RBAK: variants seen among roughly 807,000 people sequenced by gnomAD.
RBAK encodes RB associated KRAB zinc finger.
A neutral mutation model predicts 65.8 loss-of-function variants in RBAK; 39 were observed. The observed-to-expected ratio is 0.59, with a 90% CI of 0.46 to 0.77. The LOEUF (loss-of-function observed/expected upper bound fraction) is 0.77, where lower values mean the gene tolerates loss of function less well. Among genes scored for constraint, RBAK ranks in the 30% least tolerant of loss-of-function variants. The probability of loss-of-function intolerance (pLI) is 0.00; values close to 1 mark genes in which losing one functional copy is unlikely to be tolerated. For missense variants in RBAK, 884 were observed against 855.1 expected, an observed-to-expected ratio of 1.03 and a Z score of -0.42; for synonymous variants, 343 against 289.7, an observed-to-expected ratio of 1.18 and a Z score of -1.87.
Position 5,052,952 on chromosome 7 carries a change from G to T in RBAK, c.16-4343G>T, listed in dbSNP as rs372403357. ...TTTTGGTATTTTTAGTAGAGATGAG[G>T]TTTCACCATGTTGGCCAGGCTGGTC... is the stretch of plus-strand genomic sequence containing the variant. On this transcript the variant is annotated intron_variant, in intron 2 of 4. Transcript: ENST00000396912. 1.4e-4 allele frequency among the ~76,000 whole-genome samples: 22 copies of T among 152,194 alleles called. No individual in the cohort carries two copies. The East Asian group carries it at 4.2e-3, about 29-fold the overall frequency.
chr7:5,051,386 G>T (rs1357564927), intron 2 of RBAK, among the ~76,000 whole-genome samples: 4 of 152,042 alleles, frequency 2.6e-5, no homozygotes, highest in Non-Finnish European at 5.9e-5. Context: ...GAGTGGGTAT[G>T]ATTTGTCATG....
At chr7:5,063,477 C>G (rs970784953) in intron 4 of RBAK, among the ~76,000 whole-genome samples, 80 of 147,300 alleles carry the variant, frequency 5.4e-4, no homozygotes, top group African/African-American at 1.9e-3. Context: ...AATTCTTTCA[C>G]TGTGTGTGTG....
intron 2 of RBAK, among the ~76,000 whole-genome samples, chr7:5,051,053 T>C (rs1454529189): frequency 6.6e-6 from 1 of 152,190 alleles, no homozygotes; most frequent in Non-Finnish European, 1.5e-5. Flanking sequence ...TTGTGATTCT[T>C]TTTGAAAATT....
chr7:5,056,660 C>T lies in RBAK; in HGVS notation c.16-635C>T, dbSNP rs771465596. The stretch of plus-strand genomic sequence containing the variant: ...CAGCTTTGGGCATTCATTCATTTAA[C>T]GAATATTTATTGCTCCAAGATTGAG... On this transcript the variant is annotated intron_variant, in intron 2 of 4. Transcript: ENST00000396912. Among the ~76,000 whole-genome samples, 10 of 152,264 alleles carry T rather than the reference C, an allele frequency of 6.6e-5. No individual in the cohort carries two copies. The South Asian group carries it at 1.7e-3, about 25-fold the overall frequency.
Position 5,063,975 on chromosome 7 carries a change from T to C in RBAK, c.519T>C (p.His173=), listed in dbSNP as rs555713444. 3 of 1,613,900 alleles carry C rather than the reference T, an allele frequency of 1.9e-6. No homozygotes were observed. Among genetic ancestry groups the C allele is most frequent in the Admixed American group, 3.3e-5 (2 of 60,012 alleles). ...GTAATGAATGTGGGAAAACATATCA[T>C]GGAGAGAAAATGTGTGAATTTAATC... The part of the protein sequence containing the change: ...DECNECGKTY[H]GEKMCEFNQN... The change falls in exon 5 of 5, where the codon CAT becomes CAC. Residue 173 remains histidine (H), a synonymous_variant. Coordinates refer to ENST00000396912, the MANE Select transcript of RBAK (RefSeq NM_021163.4).
intron 4 of RBAK, 108 bp downstream of exon 4, chr7:5,057,887 C>T: frequency 1.8e-6 from 2 of 1,105,906 alleles, no homozygotes; most frequent in South Asian, 2.9e-5. Flanking sequence ...CCTCCCAACC[C>T]CCAAATATCA....
chr7:5,069,395 T>C lies in RBAK; in HGVS notation c.*3794T>C, dbSNP rs1464976514. 6.6e-6 allele frequency: 1 copy of C among 152,240 alleles called. No homozygotes were observed. The highest frequency in any genetic ancestry group is 1.5e-5 in the Non-Finnish European group (1 of 68,044). The allele number at this position is 152,240 out of a possible 1,614,324, so 9.4% of individuals were successfully genotyped here. A position where few individuals can be genotyped will look rare whatever the true frequency, so the allele number is the denominator to read the frequency against. On this transcript the variant is annotated 3_prime_UTR_variant, in exon 5 of 5. Transcript: ENST00000396912. ...TTGAGAAGGTTAAAGAATCATTACA[T>C]ACTTTGTCATCCTATACTTTTGCAT...
Position 5,055,981 on chromosome 7 carries a change from A to T in RBAK, c.16-1314A>T, listed in dbSNP as rs1418446990. Among the ~76,000 whole-genome samples the T allele has an allele frequency of 3.9e-5, 6 of 152,126 alleles. No homozygotes were observed. The East Asian group carries it at 1.2e-3, about 29-fold the overall frequency. On this transcript the variant is annotated intron_variant, in intron 2 of 4. Transcript: ENST00000396912. Reference sequence around the variant, plus strand: ...AATAATAGGATAATGCAGCCTGCTTACTGGGCACTTCCTTTTTCTAAACTA... The same window carrying T: ...AATAATAGGATAATGCAGCCTGCTTTCTGGGCACTTCCTTTTTCTAAACTA...
intron 2 of RBAK, among the ~76,000 whole-genome samples, chr7:5,053,800 G>GT (rs1419739545): frequency 6.6e-6 from 1 of 152,142 alleles, no homozygotes; most frequent in Admixed American, 6.5e-5. Context: ...GTTAGCGTGG[G>GT]TCTTTTTTAC....
chr7:5,063,582 G>T (rs1779132891), intron 4 of RBAK, 113 bp from the exon 5 acceptor site: 4 of 758,150 alleles, frequency 5.3e-6, no homozygotes, highest in Non-Finnish European at 8.1e-6. Context: ...TATTTATGGA[G>T]ATTGGCTCTA....
chr7:5,055,746 C>T (rs1583456507), intron 2 of RBAK, among the ~76,000 whole-genome samples: 1 of 151,308 alleles, frequency 6.6e-6, no homozygotes, highest in Non-Finnish European at 1.5e-5. Flanking sequence ...CCTACTACCT[C>T]CTTGCCTTCT....
Position 5,045,905 on chromosome 7 carries a change from T to C in RBAK, c.-536T>C, listed in dbSNP as rs981630296. ...GTCCTCAGGTCACCGCTTGCTCTAGTTCCCAGGCTTTGGCCTCCAGTGGAC... is the reference window on the plus strand; with the variant it reads ...GTCCTCAGGTCACCGCTTGCTCTAGCTCCCAGGCTTTGGCCTCCAGTGGAC... On this transcript the variant is annotated 5_prime_UTR_variant, in exon 1 of 5. Coordinates refer to ENST00000396912, the MANE Select transcript of RBAK (RefSeq NM_021163.4). The C allele has an allele frequency of 2.8e-5, 10 of 351,148 alleles. No homozygotes were observed. Among genetic ancestry groups the C allele is most frequent in the African/African-American group, 1.6e-4 (7 of 43,522 alleles). 21.8% of individuals were successfully genotyped at this position (351,148 alleles called of 1,614,324 possible).
rs1461938938 is a variant in RBAK at position 5,067,787 on chromosome 7, T to G, written c.*2186T>G. ...CAAAAGTAGACCCACGTGTATACCATCACCTGAGTTTTGAGAAAGGTGACA... is the reference window on the plus strand; with the variant it reads ...CAAAAGTAGACCCACGTGTATACCAGCACCTGAGTTTTGAGAAAGGTGACA... On this transcript the variant is annotated 3_prime_UTR_variant, in exon 5 of 5. Transcript: ENST00000396912. The G allele has an allele frequency of 6.6e-6, 1 of 152,196 alleles. No individual in the cohort carries two copies. Among genetic ancestry groups the G allele is most frequent in the Non-Finnish European group, 1.5e-5 (1 of 68,030 alleles). 9.4% of individuals were successfully genotyped at this position (152,196 alleles called of 1,614,324 possible).
In RBAK at chr7:5,046,263, C is replaced by T. The variant is rs776497747; in HGVS notation, c.-178C>T. 5.8e-6 allele frequency: 3 copies of T among 515,828 alleles called. No homozygotes were observed. Among genetic ancestry groups the T allele is most frequent in the East Asian group, 1.1e-4 (2 of 18,294 alleles). 32.0% of individuals were successfully genotyped at this position (515,828 alleles called of 1,614,324 possible). On this transcript the variant is annotated 5_prime_UTR_variant, in exon 1 of 5. Transcript: ENST00000396912. ...CTGGATTTGCCCCTTAGGCCCGGCC[C>T]GGGCCCCTCGGGAGCAGAACAACCT...
chr7:5,067,686 TA>T lies in RBAK; in HGVS notation c.*2088del, dbSNP rs1779253551. 1 of 152,184 alleles carries T rather than the reference TA, an allele frequency of 6.6e-6. No homozygotes were observed. The highest frequency in any genetic ancestry group is 1.9e-4 in the East Asian group (1 of 5,200). 9.4% of individuals were successfully genotyped at this position (152,184 alleles called of 1,614,324 possible). A position where few individuals can be genotyped will look rare whatever the true frequency, so the allele number is the denominator to read the frequency against. ...AATTTCTAAATATCAAGACCTGTTATAAAGCCATAGAAATAATGAAGGTGTT... is the reference window on the plus strand; with the variant it reads ...AATTTCTAAATATCAAGACCTGTTATAAGCCATAGAAATAATGAAGGTGTT... On this transcript the variant is annotated 3_prime_UTR_variant, in exon 5 of 5. Coordinates refer to ENST00000396912, the MANE Select transcript of RBAK (RefSeq NM_021163.4).
rs546640398 is a variant in RBAK, at chr7:5,050,659, C to T, written c.15+2568C>T. On this transcript the variant is annotated intron_variant, in intron 2 of 4. Coordinates refer to ENST00000396912, the MANE Select transcript of RBAK (RefSeq NM_021163.4). ...TCGTGTTTACGGCTCACTGCAGCCT[C>T]AAACTCCTGTGCTCAAGTGATCCTC... 5.3e-5 allele frequency among the ~76,000 whole-genome samples: 8 copies of T among 152,300 alleles called. No individual in the cohort carries two copies. The South Asian group carries it at 1.5e-3, about 28-fold the overall frequency.
intron 4 of RBAK, among the ~76,000 whole-genome samples, chr7:5,061,454 T>G (rs1335882571): frequency 6.1e-4 from 21 of 34,418 alleles, no homozygotes; most frequent in African/African-American, 2.6e-3. Context: ...TTTCTTTTTC[T>G]TTTTTTTTTT....
rs1779237918 is a variant in RBAK at position 5,067,084 on chromosome 7, CAA to C, written c.*1484_*1485del. The C allele has an allele frequency of 6.6e-6, 1 of 152,086 alleles. No homozygotes were observed. Among genetic ancestry groups the C allele is most frequent in the Non-Finnish European group, 1.5e-5 (1 of 67,984 alleles). 9.4% of individuals were successfully genotyped at this position (152,086 alleles called of 1,614,324 possible). A position where few individuals can be genotyped will look rare whatever the true frequency, so the allele number is the denominator to read the frequency against. On this transcript the variant is annotated 3_prime_UTR_variant, in exon 5 of 5. Coordinates refer to ENST00000396912, the MANE Select transcript of RBAK (RefSeq NM_021163.4). ...ATAAAGAGACTTAAACTACAACAAA[CAA>C]TATGCTTAATGATGAAATAGTGAAC...
rs1256295780 is a variant in RBAK at position 5,063,907 on chromosome 7, A to T, written c.451A>T (p.Ile151Phe). 6.2e-7 allele frequency: 1 copy of T among 1,614,034 alleles called. No individual in the cohort carries two copies. Among genetic ancestry groups the T allele is most frequent in the African/African-American group, 1.3e-5 (1 of 75,052 alleles). Residue 151 changes from isoleucine (I) to phenylalanine (F), a missense_variant, in exon 5 of 5, where the codon ATT becomes TTT. By Grantham distance (21) the Ile-to-Phe change is conservative (BLOSUM62 0). Coordinates refer to ENST00000396912, the MANE Select transcript of RBAK (RefSeq NM_021163.4). ...GAATTTAGAATCTATTTCGCAATTA[A>T]TTAGTAGTGATGGAAGCTATGCTAG... ...GKNLESISQL[I>F]SSDGSYARTK...
Sources: allele counts gnomAD v4.1 joint callset (sites outside exome capture counted in the v4.1 genomes callset), GRCh38; gene constraint gnomAD v4.1.1; transcripts MANE v1.5; gene names NCBI Gene and HGNC (gene_info 2026-07-23, HGNC 2026-07-21).